Variants in UGT1A8 observed in about 807,000 individuals in gnomAD.
UGT1A8 encodes the protein UDP glucuronosyltransferase family 1 member A8, also known as UDP-glucuronosyltransferase 1A8.
Under a neutral mutation model 45.3 loss-of-function variants are expected in UGT1A8, and 39 were observed. That is an observed-to-expected ratio of 0.86 (90% confidence interval 0.67 to 1.12). UGT1A8 has a LOEUF of 1.12. Ranked by LOEUF, UGT1A8 falls within the 50% of genes most tolerant of loss-of-function variation. The probability of loss-of-function intolerance (pLI) is 0.00; values close to 1 mark genes in which losing one functional copy is unlikely to be tolerated. For synonymous variants in UGT1A8, 275 were observed against 249.2 expected, an observed-to-expected ratio of 1.10 and a Z score of -0.97; for missense variants, 719 against 664.9, an observed-to-expected ratio of 1.08 and a Z score of -0.90.
rs769416194 is a variant in UGT1A8 at position 233,748,156 on chromosome 2, T to A, written c.856-18878T>A. On this transcript the variant is annotated intron_variant, in intron 1 of 4. Coordinates refer to ENST00000373450, the MANE Select transcript of UGT1A8 (RefSeq NM_019076.5). ...AAAATTGTATTTACTTACAATTGCT[T>A]CCATATCTACTTATCTTTCTGGTGC... is the stretch of plus-strand genomic sequence containing the variant. The A allele has an allele frequency of 2.7e-4, 434 of 1,601,764 alleles. 1 individual carries two copies. Among genetic ancestry groups the A allele is most frequent in the Non-Finnish European group, 3.4e-4 (402 of 1,173,972 alleles).
chr2:233,716,723 A>T (rs2076521930), intron 1 of UGT1A8, among the ~76,000 whole-genome samples: 1 of 152,160 alleles, frequency 6.6e-6, no homozygotes, highest in African/African-American at 2.4e-5. Context: ...GTTCCAGTTT[A>T]TATGTTTAGC....
In UGT1A8 at chr2:233,767,150, C is replaced by A. The variant is rs1699320624; in HGVS notation, c.972C>A (p.Gly324=). 4 of 1,613,942 alleles carry A rather than the reference C, an allele frequency of 2.5e-6. No individual in the cohort carries two copies. The highest frequency in any genetic ancestry group is 1.6e-4 in the Middle Eastern group (1 of 6,082). Residue 324 remains glycine (G), a synonymous_variant, in exon 2 of 5, where the codon GGC becomes GGA. Coordinates refer to ENST00000373450, the MANE Select transcript of UGT1A8 (RefSeq NM_019076.5). The part of the protein sequence containing the change: ...KKAMAIADAL[G]KIPQTVLWRY... ...CTATGGCAATTGCTGATGCTTTGGG[C>A]AAAATCCCTCAGACAGTAAGAAGAT...
Position 233,684,228 on chromosome 2 carries a change from G to A in UGT1A8, c.855+65666G>A, listed in dbSNP as rs533677309. ...AACTCATGGGAAAATGCAACCAAGC[G>A]CTTTCTAAAAATCAGGGAGACTACA... On this transcript the variant is annotated intron_variant, in intron 1 of 4. Transcript: ENST00000373450. Among the ~76,000 whole-genome samples, 112 of 152,240 alleles carry A rather than the reference G, an allele frequency of 7.4e-4. 1 individual carries two copies. Among genetic ancestry groups the A allele is most frequent in the African/African-American group, 2.4e-3 (98 of 41,540 alleles).
At chr2:233,648,106 A>T in intron 1 of UGT1A8, 2 of 1,478,122 alleles carry the variant, frequency 1.4e-6, no homozygotes, top group South Asian at 3.0e-5. Context: ...CCAGGAGTTC[A>T]TGGCTTTTGC....
chr2:233,693,782 G>C lies in UGT1A8; in HGVS notation c.856-73252G>C. 1.9e-6 allele frequency: 3 copies of C among 1,614,196 alleles called. No individual in the cohort carries two copies. The East Asian group carries it at 6.7e-5, about 36-fold the overall frequency. ...TGTTTGGCTGTTAAGATATGACTTT[G>C]TGCTTGAATATCCTAGGCCGGTCAT... is the stretch of plus-strand genomic sequence containing the variant. On this transcript the variant is annotated intron_variant, in intron 1 of 4. Transcript: ENST00000373450.
rs28898618 is a variant in UGT1A8, at chr2:233,729,359, C to T, written c.856-37675C>T. ...AAAGAAGAGAACTTTTTCACCCTGA[C>T]AACCTATGCCATTTCGTGGACCCAG... is the stretch of plus-strand genomic sequence containing the variant. On this transcript the variant is annotated intron_variant, in intron 1 of 4. Transcript: ENST00000373450. 8.4e-4 allele frequency: 1,362 copies of T among 1,614,128 alleles called. 14 individuals are homozygous for T. The African/African-American group carries it at 0.016, about 19-fold the overall frequency.
At chr2:233,639,353 G>T (rs2073387125) in intron 1 of UGT1A8, among the ~76,000 whole-genome samples, 1 of 152,116 alleles carries the variant, frequency 6.6e-6, no homozygotes, top group Admixed American at 6.5e-5. Context: ...AGAGGAATTC[G>T]ATCTCAAAGA....
At chr2:233,735,563 C>T (rs530958068) in intron 1 of UGT1A8, among the ~76,000 whole-genome samples, 4 of 152,230 alleles carry the variant, frequency 2.6e-5, no homozygotes, top group East Asian at 1.9e-4. Flanking sequence ...ATGGTGTTAT[C>T]GGGTTATTTT....
chr2:233,633,270 T>G (rs555277569), intron 1 of UGT1A8, among the ~76,000 whole-genome samples: 1 of 152,238 alleles, frequency 6.6e-6, no homozygotes, highest in South Asian at 2.1e-4. Context: ...GCCTGAAATT[T>G]TTTTGGTTGT....
chr2:233,715,223 G>C (rs1337084443), intron 1 of UGT1A8, among the ~76,000 whole-genome samples: 1 of 152,008 alleles, frequency 6.6e-6, no homozygotes, highest in Non-Finnish European at 1.5e-5. Flanking sequence ...TACTGAATCT[G>C]CCCAATTCTG....
intron 1 of UGT1A8, among the ~76,000 whole-genome samples, chr2:233,678,550 C>G (rs967249273): frequency 2.0e-5 from 3 of 152,102 alleles, no homozygotes; most frequent in Admixed American, 6.5e-5. Context: ...TTTAAAAATG[C>G]TTTTATACAG....
chr2:233,633,160 C>T (rs1001648263), intron 1 of UGT1A8, among the ~76,000 whole-genome samples: 5 of 152,038 alleles, frequency 3.3e-5, no homozygotes, highest in South Asian at 2.1e-4. Context: ...GGGATGAAGC[C>T]GACTTGATCA....
chr2:233,666,210 A>C (rs1361671770), intron 1 of UGT1A8, among the ~76,000 whole-genome samples: 1 of 152,168 alleles, frequency 6.6e-6, no homozygotes, highest in Non-Finnish European at 1.5e-5. Context: ...TGAAACTAAT[A>C]GATGGGAAGT....
chr2:233,767,044 C>T lies in UGT1A8; in HGVS notation c.866C>T (p.Ala289Val), dbSNP rs758873309. The T allele has an allele frequency of 6.2e-7, 1 of 1,613,992 alleles. No individual in the cohort carries two copies. The highest frequency in any genetic ancestry group is 1.1e-5 in the South Asian group (1 of 91,046). ...TTCTTCTGGCTCTAGGAATTTGAAG[C>T]CTACATTAATGCTTCTGGAGAACAT... ...QGKPLPMEFE[A>V]YINASGEHGI... is the part of the protein sequence containing the mutation. The change falls in exon 2 of 5, where the codon GCC becomes GTC. Residue 289 changes from alanine to valine, a missense_variant. Ala to Val is a moderately conservative substitution (Grantham distance 64). Coordinates refer to ENST00000373450, the MANE Select transcript of UGT1A8 (RefSeq NM_019076.5).
chr2:233,674,731 A>G (rs763166012), intron 1 of UGT1A8, among the ~76,000 whole-genome samples: 26 of 152,218 alleles, frequency 1.7e-4, no homozygotes, highest in Non-Finnish European at 2.6e-4. Flanking sequence ...GTGGAAGATT[A>G]CATATATTAA....
At chr2:233,770,826 A>G (rs1269125180) in intron 4 of UGT1A8, 5 of 152,196 alleles carry the variant, frequency 3.3e-5, no homozygotes, top group Admixed American at 3.3e-4. Context: ...CTGTTCTTGC[A>G]TTGCTGTAAA....
At position 233,768,342 on chromosome 2, in the gene UGT1A8, C is replaced by A. The variant is rs778766461; in HGVS notation, c.1198C>A (p.Arg400Ser). ...LFGDQMDNAK[R>S]METKGAGVTL... ...TGGTGATCAGATGGACAATGCAAAGCGCATGGAGACTAAGGGAGCTGGAGT... is the reference window on the plus strand; with the variant it reads ...TGGTGATCAGATGGACAATGCAAAGAGCATGGAGACTAAGGGAGCTGGAGT... The change falls in exon 4 of 5, where the codon CGC becomes AGC. Residue 400 changes from arginine (R) to serine (S), a missense_variant. By Grantham distance (110) the Arg-to-Ser change is moderately radical. Coordinates refer to ENST00000373450, the MANE Select transcript of UGT1A8 (RefSeq NM_019076.5). 6.2e-7 allele frequency: 1 copy of A among 1,613,974 alleles called. No individual in the cohort carries two copies. Among genetic ancestry groups the A allele is most frequent in the Non-Finnish European group, 8.5e-7 (1 of 1,180,048 alleles).
chr2:233,675,068 T>C (rs549929668), intron 1 of UGT1A8, among the ~76,000 whole-genome samples: 4 of 152,308 alleles, frequency 2.6e-5, no homozygotes, highest in African/African-American at 9.6e-5. Context: ...GGTGTGTTTG[T>C]GTGCAGTGTC....
intron 1 of UGT1A8, among the ~76,000 whole-genome samples, chr2:233,727,384 C>T (rs1032238584): frequency 4.6e-5 from 7 of 152,144 alleles, no homozygotes; most frequent in Admixed American, 1.3e-4. Flanking sequence ...TGGAGTACCA[C>T]CGTCTTCCAA....
Sources: gnomAD v4.1 joint callset for allele counts (sites outside exome capture counted in the v4.1 genomes callset) on GRCh38, gnomAD v4.1.1 for gene constraint, MANE v1.5 for transcripts, NCBI Gene and HGNC (gene_info 2026-07-23, HGNC 2026-07-21) for gene names.